The following LRRC27 variants were observed in gnomAD, a reference collection of about 807,000 sequenced individuals.
The protein encoded by LRRC27 is leucine rich repeat containing 27.
In LRRC27, 57 loss-of-function variants were observed where a neutral mutation model predicts 55.0. That is an observed-to-expected ratio of 1.04 (90% CI 0.84 to 1.29). The LOEUF (loss-of-function observed/expected upper bound fraction) is 1.29, where lower values mean the gene tolerates loss of function less well. Among genes scored for constraint, LRRC27 ranks in the 50% most tolerant of loss-of-function variants. LRRC27 has a pLI of 0.00. For synonymous variants in LRRC27, 278 were observed against 251.9 expected (o/e 1.10, Z -0.98); for missense variants, 721 against 651.5 (o/e 1.11, Z -1.16).
At chr10:132,350,454 A>G (rs770047885) in intron 6 of LRRC27, 3 of 152,368 alleles carry the variant, frequency 2.0e-5, no homozygotes, top group Non-Finnish European at 4.4e-5. Flanking sequence ...GCCAGTGCCC[A>G]GCACGCACCC....
At chr10:132,357,554 C>T (rs1387081632) in intron 8 of LRRC27, among the ~76,000 whole-genome samples, 1 of 152,112 alleles carries the variant, frequency 6.6e-6, no homozygotes, top group East Asian at 1.9e-4. Context: ...GTTAAAGCAG[C>T]ACAAGTTGTA....
At chr10:132,367,064 A>G (rs1219941569) in intron 10 of LRRC27, 1 of 1,012,182 alleles carries the variant, frequency 9.9e-7, no homozygotes, top group African/African-American at 1.7e-5. Context: ...AGGGCTGCAA[A>G]ACATCTGTGT....
Position 132,342,277 on chromosome 10 carries a change from T to C in LRRC27, c.400+6T>C. On this transcript the variant is annotated splice_donor_region_variant and intron_variant, in intron 4 of 10. Transcript: ENST00000368614. ...AATGTTACCTGTGGAGCTGGGTAAGTATAAAATAATAAAAAGATGATTTTA... is the reference window on the plus strand; with the variant it reads ...AATGTTACCTGTGGAGCTGGGTAAGCATAAAATAATAAAAAGATGATTTTA... 2.7e-6 allele frequency: 4 copies of C among 1,489,512 alleles called. No homozygotes were observed. The highest frequency in any genetic ancestry group is 2.4e-5 in the East Asian group (1 of 41,598). The allele number at this position is 1,489,512 out of a possible 1,614,324, so 92.3% of individuals were successfully genotyped here. A position where few individuals can be genotyped will look rare whatever the true frequency, so the allele number is the denominator to read the frequency against.
rs116720164 is a variant in LRRC27 at position 132,342,270 on chromosome 10, G to T, written c.399G>T (p.Leu133=). Residue 133 remains leucine, a splice_region_variant and synonymous_variant, in exon 4 of 11, where the codon CTG becomes CTT. Coordinates refer to ENST00000368614, the MANE Select transcript of LRRC27 (RefSeq NM_030626.3). ...CTATCAAAATGTTACCTGTGGAGCT[G>T]GGTAAGTATAAAATAATAAAAAGAT... ...RNPIKMLPVE[L]GSVTTLKALN... is the part of the protein sequence containing the mutation. The T allele has an allele frequency of 4.5e-3, 6,924 of 1,522,924 alleles. 501 individuals carry two copies. The Admixed American group carries it at 0.13, about 29-fold the overall frequency. 94.3% of individuals were successfully genotyped at this position (1,522,924 alleles called of 1,614,324 possible).
intron 10 of LRRC27, among the ~76,000 whole-genome samples, chr10:132,369,396 G>A (rs1590734210): frequency 1.3e-5 from 2 of 152,306 alleles, no homozygotes; most frequent in Admixed American, 1.3e-4. Context: ...TGGATAAACT[G>A]GAACATCCAG....
chr10:132,371,443 C>T (rs910018393), intron 10 of LRRC27, among the ~76,000 whole-genome samples: 2 of 152,210 alleles, frequency 1.3e-5, no homozygotes, highest in Non-Finnish European at 1.5e-5. Flanking sequence ...TCCAGGTCAA[C>T]GCGGCCCATT....
In LRRC27 at chr10:132,361,579, G is replaced by T. The variant is rs770943725; in HGVS notation, c.1289+4G>T. The T allele has an allele frequency of 6.2e-7, 1 of 1,603,168 alleles. No individual in the cohort carries two copies. The highest frequency in any genetic ancestry group is 1.7e-4 in the Middle Eastern group (1 of 6,040). On this transcript the variant is annotated splice_donor_region_variant and intron_variant, in intron 9 of 10. Transcript: ENST00000368614. ...CACAAGCAAGTAAAGAAATGAGGTTGGTAACTGCAACTGGCACTCAGTCCT... is the reference window on the plus strand; with the variant it reads ...CACAAGCAAGTAAAGAAATGAGGTTTGTAACTGCAACTGGCACTCAGTCCT...
rs1280394407 is a variant in LRRC27, at chr10:132,377,538, G to GT, written c.*2297dup. The GT allele has an allele frequency of 6.6e-6, 1 of 152,072 alleles. No homozygotes were observed. The highest frequency in any genetic ancestry group is 1.5e-5 in the Non-Finnish European group (1 of 68,044). The allele number at this position is 152,072 out of a possible 1,614,324, so 9.4% of individuals were successfully genotyped here. A position where few individuals can be genotyped will look rare whatever the true frequency, so the allele number is the denominator to read the frequency against. ...GCTCTCGTCCGCCTCCCTTCCACAG[G>GT]TAAGCACGCAAGACACAGGTACCGT... On this transcript the variant is annotated 3_prime_UTR_variant, in exon 11 of 11. Transcript: ENST00000368614.
chr10:132,357,119 C>G (rs1391761769), intron 8 of LRRC27, among the ~76,000 whole-genome samples: 1 of 152,210 alleles, frequency 6.6e-6, no homozygotes, highest in African/African-American at 2.4e-5. Context: ...CCGTCTCCCC[C>G]CGGCCCAGCT....
chr10:132,353,475 A>C, intron 7 of LRRC27: 1 of 931,048 alleles, frequency 1.1e-6, no homozygotes, highest in Non-Finnish European at 1.3e-6. Flanking sequence ...GTGATTGTCC[A>C]CAGCTGTCAC....
intron 10 of LRRC27, among the ~76,000 whole-genome samples, chr10:132,368,144 ATG>A (rs933014726): frequency 6.6e-6 from 1 of 152,240 alleles, no homozygotes; most frequent in African/African-American, 2.4e-5. Flanking sequence ...ATCTAACAAA[ATG>A]TATACAAAAT....
At position 132,342,228 on chromosome 10, in the gene LRRC27, G is replaced by C; in HGVS notation, c.357G>C (p.Leu119Phe). Reference sequence around the variant, plus strand: ...TGCTTTAAAGGCATTTGAAAACTTTGCTTTTAGAAAGAAATCCTATCAAAA... The same window carrying C: ...TGCTTTAAAGGCATTTGAAAACTTTCCTTTTAGAAAGAAATCCTATCAAAA... The part of the protein sequence containing the change: ...GIGAHQHLKT[L>F]LLERNPIKML... The change falls in exon 4 of 11, where the codon TTG (leucine) becomes TTC (phenylalanine). Residue 119 changes from leucine (L) to phenylalanine (F), a missense_variant. By Grantham distance (22) the Leu-to-Phe change is conservative. Transcript: ENST00000368614. The C allele has an allele frequency of 6.4e-7, 1 of 1,553,110 alleles. No homozygotes were observed. Among genetic ancestry groups the C allele is most frequent in the Non-Finnish European group, 8.7e-7 (1 of 1,148,114 alleles).
chr10:132,361,864 C>T (rs112923630), intron 9 of LRRC27, among the ~76,000 whole-genome samples: 40 of 151,608 alleles, frequency 2.6e-4, no homozygotes, highest in African/African-American at 8.7e-4. Context: ...CTGCTGTGGG[C>T]GCCAAGGGGA....
At chr10:132,345,214 A>C (rs1161609937) in intron 5 of LRRC27, among the ~76,000 whole-genome samples, 1 of 152,236 alleles carries the variant, frequency 6.6e-6, no homozygotes, top group African/African-American at 2.4e-5. Context: ...TTAAATTGGG[A>C]TAAAGGAGAA....
intron 9 of LRRC27, among the ~76,000 whole-genome samples, chr10:132,363,283 C>A (rs972024814): frequency 6.6e-5 from 10 of 151,078 alleles, no homozygotes; most frequent in African/African-American, 2.2e-4. Flanking sequence ...CTCGGGGGTC[C>A]GGGGTTCACC....
chr10:132,378,042 C>CGCA lies in LRRC27; in HGVS notation c.*2801_*2802insCAG. On this transcript the variant is annotated 3_prime_UTR_variant, in exon 11 of 11. Coordinates refer to ENST00000368614, the MANE Select transcript of LRRC27 (RefSeq NM_030626.3). ...TAAAAAATACAAAAAATTAGCCGGG[C>CGCA]GTGGTGGCTGTAGTCGCAGCTACTC... 1 of 81,082 alleles carries CGCA rather than the reference C, an allele frequency of 1.2e-5. No homozygotes were observed. Among genetic ancestry groups the CGCA allele is most frequent in the Non-Finnish European group, 2.3e-5 (1 of 43,352 alleles). 5.0% of individuals were successfully genotyped at this position (81,082 alleles called of 1,614,324 possible).
At chr10:132,347,012 C>T (rs555536638) in intron 5 of LRRC27, among the ~76,000 whole-genome samples, 16 of 152,342 alleles carry the variant, frequency 1.1e-4, no homozygotes, top group East Asian at 3.9e-4. Context: ...GTGCTGGGCA[C>T]GTGCTGGGAG....
rs1236917039 is a variant in LRRC27, at chr10:132,376,494, A to G, written c.*1252A>G. 1.3e-5 allele frequency: 2 copies of G among 152,284 alleles called. No homozygotes were observed. Among genetic ancestry groups the G allele is most frequent in the African/African-American group, 4.8e-5 (2 of 41,484 alleles). The allele number at this position is 152,284 out of a possible 1,614,324, so 9.4% of individuals were successfully genotyped here. A position where few individuals can be genotyped will look rare whatever the true frequency, so the allele number is the denominator to read the frequency against. On this transcript the variant is annotated 3_prime_UTR_variant, in exon 11 of 11. Transcript: ENST00000368614. ...TTTGCCATTTCTCACGCCTGAGGGC[A>G]GGCGTTGGAGCAGCTCAGCCGGCGT... is the stretch of plus-strand genomic sequence containing the variant.
chr10:132,361,660 GC>G (rs1235342665), intron 9 of LRRC27, 85 bp downstream of exon 9: 1 of 957,358 alleles, frequency 1.0e-6, no homozygotes, highest in African/African-American at 1.6e-5. Flanking sequence ...TCATGAGCAT[GC>G]ACTGAGGAGC....
Sources: allele counts gnomAD v4.1 joint callset (sites outside exome capture counted in the v4.1 genomes callset), GRCh38; gene constraint gnomAD v4.1.1; transcripts MANE v1.5; gene names NCBI Gene and HGNC (gene_info 2026-07-23, HGNC 2026-07-21).